DLGAP2: variants seen among roughly 807,000 people sequenced by gnomAD.
DLGAP2 encodes disks large-associated protein 2.
A neutral mutation model predicts 100.3 loss-of-function variants in DLGAP2; 26 were observed. The observed-to-expected ratio is 0.26, with a 90% CI of 0.19 to 0.36. DLGAP2 has a LOEUF of 0.36. DLGAP2 is among the 10% of genes least tolerant of loss of function. The probability of loss-of-function intolerance (pLI) is 1.00; values close to 1 mark genes in which losing one functional copy is unlikely to be tolerated. For missense variants in DLGAP2, 1,858 were observed against 1,453.2 expected (o/e 1.28, Z -4.53); for synonymous variants, 886 against 630.1 (o/e 1.41, Z -6.08).
chr8:1,509,190 G>A (rs535802416), intron 4 of DLGAP2, among the ~76,000 whole-genome samples: 1 of 152,206 alleles, frequency 6.6e-6, no homozygotes, highest in Admixed American at 6.5e-5. Context: ...TATTAGCCGG[G>A]CATGGTGGCG....
intron 3 of DLGAP2, among the ~76,000 whole-genome samples, chr8:1,354,651 G>A (rs2129637172): frequency 7.0e-6 from 1 of 143,516 alleles, no homozygotes; most frequent in Middle Eastern, 3.6e-3. Flanking sequence ...TGCTGCGGAT[G>A]AAGGTGGAAA....
At chr8:1,286,556 T>G (rs1799926277) in intron 3 of DLGAP2, among the ~76,000 whole-genome samples, 1 of 152,088 alleles carries the variant, frequency 6.6e-6, no homozygotes, top group Non-Finnish European at 1.5e-5. Flanking sequence ...GATGCGGAGG[T>G]GCTTGACAGT....
intron 1 of DLGAP2, among the ~76,000 whole-genome samples, chr8:823,820 CG>C (rs1563050703): frequency 6.6e-6 from 1 of 152,150 alleles, no homozygotes; most frequent in Non-Finnish European, 1.5e-5. Flanking sequence ...GCAGCCAGGA[CG>C]GGGGAGGTCA....
intron 2 of DLGAP2, among the ~76,000 whole-genome samples, chr8:1,069,680 A>C (rs1803368693): frequency 6.6e-6 from 1 of 152,156 alleles, no homozygotes; most frequent in South Asian, 2.1e-4. Flanking sequence ...CATACTTAAT[A>C]TGATATTATA....
intron 2 of DLGAP2, among the ~76,000 whole-genome samples, chr8:931,354 G>A (rs752515317): frequency 3.9e-4 from 60 of 152,352 alleles, no homozygotes; most frequent in Admixed American, 9.1e-4. Flanking sequence ...CGTTTCACGC[G>A]AGGGTGAGAA....
chr8:1,499,033 C>T (rs4875865), intron 3 of DLGAP2, among the ~76,000 whole-genome samples: 81,725 of 152,106 alleles, frequency 0.54, 24,488 homozygotes, highest in South Asian at 0.71. Context: ...TGATAAACAG[C>T]AAGGGCGGGT....
chr8:1,210,651 C>T (rs1225583493), intron 2 of DLGAP2, among the ~76,000 whole-genome samples: 1 of 152,142 alleles, frequency 6.6e-6, no homozygotes, highest in Non-Finnish European at 1.5e-5. Flanking sequence ...ATGGCTACTG[C>T]CTTGGGAATA....
At chr8:1,322,541 C>T (rs1347783802) in intron 3 of DLGAP2, among the ~76,000 whole-genome samples, 1 of 152,040 alleles carries the variant, frequency 6.6e-6, no homozygotes, top group African/African-American at 2.4e-5. Context: ...ACCCACCCAG[C>T]GTGCTGCATC....
intron 1 of DLGAP2, among the ~76,000 whole-genome samples, chr8:855,266 A>G (rs1347294601): frequency 1.3e-5 from 2 of 152,130 alleles, no homozygotes; most frequent in Non-Finnish European, 2.9e-5. Context: ...AGAACCGTGT[A>G]TTCCCATGGG....
Position 1,118,858 on chromosome 8 carries a change from G to A in DLGAP2, c.74-139993G>A, listed in dbSNP as rs560906722. The stretch of plus-strand genomic sequence containing the variant: ...ATTTTTCAAAATAATTTGTTTCCTC[G>A]AAATGACACCAACACCTATAGTTAA... On this transcript the variant is annotated intron_variant, in intron 2 of 14. Coordinates refer to ENST00000637795, the MANE Select transcript of DLGAP2 (RefSeq NM_001346810.2). 1.6e-3 allele frequency among the ~76,000 whole-genome samples: 241 copies of A among 152,276 alleles called. 1 individual carries two copies. The highest frequency in any genetic ancestry group is 5.5e-3 in the African/African-American group (230 of 41,548).
chr8:791,124 G>A (rs554652911), intron 1 of DLGAP2, among the ~76,000 whole-genome samples: 12 of 152,184 alleles, frequency 7.9e-5, no homozygotes, highest in South Asian at 2.1e-4. Context: ...ATTTTTCCCC[G>A]AATTTTAAAA....
intron 6 of DLGAP2, among the ~76,000 whole-genome samples, chr8:1,595,076 C>G (rs1796408987): frequency 6.6e-6 from 1 of 151,958 alleles, no homozygotes; most frequent in East Asian, 1.9e-4. Flanking sequence ...AGATCTTGCT[C>G]TGTCACCCAG....
At chr8:1,458,647 G>A (rs562054403) in intron 3 of DLGAP2, among the ~76,000 whole-genome samples, 22 of 152,330 alleles carry the variant, frequency 1.4e-4, no homozygotes, top group African/African-American at 5.1e-4. Context: ...GCCTCCAGCA[G>A]CACAGACCTG....
chr8:1,204,954 C>A (rs1194217871), intron 2 of DLGAP2, among the ~76,000 whole-genome samples: 1 of 152,130 alleles, frequency 6.6e-6, no homozygotes, highest in Non-Finnish European at 1.5e-5. Flanking sequence ...GGTCCTCCAG[C>A]AGGATTAATT....
chr8:1,633,339 T>G (rs937006363), intron 8 of DLGAP2, among the ~76,000 whole-genome samples: 4 of 152,176 alleles, frequency 2.6e-5, no homozygotes, highest in African/African-American at 9.7e-5. Context: ...GTGCTAGCAT[T>G]TGGAAGGTGA....
intron 3 of DLGAP2, among the ~76,000 whole-genome samples, chr8:1,272,645 G>A (rs1049446116): frequency 2.6e-5 from 4 of 152,240 alleles, no homozygotes; most frequent in African/African-American, 7.2e-5. Flanking sequence ...AGTGTGAAGC[G>A]CTGGACATGG....
rs552121455 is a variant in DLGAP2, at chr8:1,687,601, G to A, written c.2705-3934G>A. 1.2e-4 allele frequency among the ~76,000 whole-genome samples: 19 copies of A among 152,250 alleles called. No individual in the cohort carries two copies. In the South Asian group the frequency reaches 3.9e-3, roughly 32 times the overall value. ...TTTTGACATTCATTATCTCTCCCTA[G>A]CAATATTCAATTTATTCCCTTTATA... On this transcript the variant is annotated intron_variant, in intron 12 of 14. Transcript: ENST00000637795.
chr8:955,502 T>C (rs1027081844), intron 2 of DLGAP2, among the ~76,000 whole-genome samples: 1 of 152,156 alleles, frequency 6.6e-6, no homozygotes, highest in Non-Finnish European at 1.5e-5. Flanking sequence ...TGAGGTTCCT[T>C]GATCCCCATT....
chr8:1,168,294 G>T (rs377452677), intron 2 of DLGAP2, among the ~76,000 whole-genome samples: 1 of 151,762 alleles, frequency 6.6e-6, no homozygotes, highest in East Asian at 1.9e-4. Flanking sequence ...TTGGACATTT[G>T]GGTTGGTTCC....
Sources: allele counts gnomAD v4.1 joint callset (sites outside exome capture counted in the v4.1 genomes callset), GRCh38; gene constraint gnomAD v4.1.1; transcripts MANE v1.5; gene names NCBI Gene and HGNC (gene_info 2026-07-23, HGNC 2026-07-21).